Variants in PPFIBP1 observed in about 807,000 individuals in gnomAD.
The protein encoded by PPFIBP1 is liprin-beta-1.
PPFIBP1 carries 112 observed loss-of-function variants against 137.8 expected under a neutral mutation model. The ratio of observed to expected loss-of-function variants is 0.81; its 90% confidence interval spans 0.70 to 0.95. PPFIBP1 has a LOEUF of 0.95. Among genes scored for constraint, PPFIBP1 ranks in the 40% least tolerant of loss-of-function variants. The probability of loss-of-function intolerance (pLI) is 0.00; values close to 1 mark genes in which losing one functional copy is unlikely to be tolerated. For missense variants in PPFIBP1, 1,083 were observed against 1,196.6 expected, an observed-to-expected ratio of 0.91 and a Z score of 1.40; for synonymous variants, 378 against 417.3, an observed-to-expected ratio of 0.91 and a Z score of 1.15.
intron 2 of PPFIBP1, among the ~76,000 whole-genome samples, chr12:27,592,056 A>G (rs2052582957): frequency 6.6e-6 from 1 of 152,256 alleles, no homozygotes; most frequent in African/African-American, 2.4e-5. Flanking sequence ...ACTTCAGTTT[A>G]GGAAGCATAA....
chr12:27,660,825 C>G, intron 10 of PPFIBP1, 59 bp from the exon 11 acceptor site: 1 of 1,575,356 alleles, frequency 6.3e-7, no homozygotes, highest in South Asian at 1.2e-5. Flanking sequence ...GAGTAAATAA[C>G]TTCTTATCAC....
chr12:27,611,267 C>T (rs193088443), intron 2 of PPFIBP1, among the ~76,000 whole-genome samples: 2 of 152,262 alleles, frequency 1.3e-5, no homozygotes, highest in East Asian at 3.9e-4. Context: ...GTTCTGGATG[C>T]TGAAAGTATT....
At chr12:27,604,865 T>C (rs1342254090) in intron 2 of PPFIBP1, among the ~76,000 whole-genome samples, 4 of 152,146 alleles carry the variant, frequency 2.6e-5, no homozygotes, top group Non-Finnish European at 4.4e-5. Context: ...CCTCACAATC[T>C]TGACAGAAGG....
chr12:27,633,135 T>A (rs2057374435), intron 2 of PPFIBP1, among the ~76,000 whole-genome samples: 2 of 152,206 alleles, frequency 1.3e-5, no homozygotes, highest in South Asian at 4.2e-4. Context: ...GCTAGTGGAT[T>A]TTAAACACCT....
At chr12:27,623,384 A>G (rs2056516874) in intron 2 of PPFIBP1, among the ~76,000 whole-genome samples, 1 of 152,260 alleles carries the variant, frequency 6.6e-6, no homozygotes, top group South Asian at 2.1e-4. Flanking sequence ...TAATGATCGC[A>G]TTTATCTAAA....
intron 27 of PPFIBP1, among the ~76,000 whole-genome samples, chr12:27,691,157 T>C (rs1010949051): frequency 6.0e-5 from 9 of 149,576 alleles, no homozygotes; most frequent in Admixed American, 5.4e-4. Flanking sequence ...GCATACAAGA[T>C]AATTATAGCC....
intron 4 of PPFIBP1, among the ~76,000 whole-genome samples, chr12:27,640,556 G>C (rs2058045178): frequency 6.6e-6 from 1 of 152,134 alleles, no homozygotes; most frequent in Non-Finnish European, 1.5e-5. Context: ...CCTATGACTA[G>C]GGTAATATTA....
At chr12:27,634,012 T>G in intron 3 of PPFIBP1, among the ~76,000 whole-genome samples, 1 of 151,832 alleles carries the variant, frequency 6.6e-6, no homozygotes, top group East Asian at 1.9e-4. Flanking sequence ...AATTTTTGTA[T>G]TTTTAGTAGA....
At chr12:27,590,467 C>T (rs558679104) in intron 2 of PPFIBP1, among the ~76,000 whole-genome samples, 22 of 152,268 alleles carry the variant, frequency 1.4e-4, no homozygotes, top group Admixed American at 2.0e-4. Context: ...TGAGCCACTG[C>T]GCGCAGCCCA....
intron 2 of PPFIBP1, among the ~76,000 whole-genome samples, chr12:27,595,570 C>T (rs1177706354): frequency 6.6e-6 from 1 of 151,986 alleles, no homozygotes; most frequent in African/African-American, 2.4e-5. Flanking sequence ...ATTCTGTGCC[C>T]TAGGCCGGGC....
intron 24 of PPFIBP1, among the ~76,000 whole-genome samples, chr12:27,683,254 C>T (rs554200031): frequency 3.3e-5 from 5 of 152,206 alleles, no homozygotes; most frequent in Middle Eastern, 6.8e-3. Context: ...TTAGTAGAGA[C>T]GGAGTTTCGC....
Position 27,544,635 on chromosome 12 carries a change from G to GA in PPFIBP1, c.-124+20277dup, listed in dbSNP as rs542880028. ...ACATTTATGTGGTCAACAAACATAT[G>GA]AAAAAAAGCTCATCATCACTGATCA... is the stretch of plus-strand genomic sequence containing the variant. On this transcript the variant is annotated intron_variant, in intron 1 of 29. Transcript: ENST00000228425. Among the ~76,000 whole-genome samples the GA allele has an allele frequency of 3.9e-5, 6 of 152,212 alleles. No homozygotes were observed. The South Asian group carries it at 1.2e-3, about 32-fold the overall frequency.
intron 5 of PPFIBP1, among the ~76,000 whole-genome samples, chr12:27,647,333 T>C (rs1339191448): frequency 4.6e-5 from 7 of 152,166 alleles, no homozygotes; most frequent in Admixed American, 4.6e-4. Flanking sequence ...AGGTTCTTTT[T>C]CTTATTCTCC....
At chr12:27,565,776 C>T (rs1288846857) in intron 1 of PPFIBP1, among the ~76,000 whole-genome samples, 1 of 151,430 alleles carries the variant, frequency 6.6e-6, no homozygotes, top group African/African-American at 2.4e-5. Flanking sequence ...CACGACTTCT[C>T]TGAAGCTGTC....
chr12:27,650,581 A>G (rs932769415), intron 7 of PPFIBP1, among the ~76,000 whole-genome samples: 4 of 152,238 alleles, frequency 2.6e-5, no homozygotes, highest in Non-Finnish European at 5.9e-5. Flanking sequence ...CTATACTCAC[A>G]AAATCACAGA....
intron 3 of PPFIBP1, among the ~76,000 whole-genome samples, chr12:27,633,854 T>TTTG: frequency 6.8e-6 from 1 of 146,696 alleles, no homozygotes; most frequent in Non-Finnish European, 1.5e-5. Flanking sequence ...TTTTTTTTTT[T>TTTG]TGAGATGGAG....
At chr12:27,583,932 G>T (rs1592631762) in intron 2 of PPFIBP1, among the ~76,000 whole-genome samples, 3 of 152,232 alleles carry the variant, frequency 2.0e-5, no homozygotes, top group Non-Finnish European at 4.4e-5. Flanking sequence ...CTGGTTTTTT[G>T]CACTCTTTAC....
intron 2 of PPFIBP1, among the ~76,000 whole-genome samples, chr12:27,627,107 C>T (rs760688350): frequency 2.6e-5 from 4 of 152,126 alleles, no homozygotes; most frequent in Non-Finnish European, 5.9e-5. Context: ...CTTTGTGTTA[C>T]AGACATTCCA....
chr12:27,626,255 T>A (rs755246687), intron 2 of PPFIBP1, among the ~76,000 whole-genome samples: 2 of 152,112 alleles, frequency 1.3e-5, no homozygotes, highest in Non-Finnish European at 2.9e-5. Flanking sequence ...GTACCTATAG[T>A]GGTTGAGGTT....
Sources: gnomAD v4.1 joint callset for allele counts (sites outside exome capture counted in the v4.1 genomes callset) on GRCh38, gnomAD v4.1.1 for gene constraint, MANE v1.5 for transcripts, NCBI Gene and HGNC (gene_info 2026-07-23, HGNC 2026-07-21) for gene names.